Variants in FANCD2 observed in about 807,000 individuals in gnomAD.
FANCD2 encodes Fanconi anemia group D2 protein.
A neutral mutation model predicts 192.3 loss-of-function variants in FANCD2; 131 were observed. That is an observed-to-expected ratio of 0.68 (90% CI 0.59 to 0.79). The LOEUF is 0.79. Ranked by LOEUF, FANCD2 falls within the 30% of genes least tolerant of loss-of-function variation. FANCD2 has a pLI of 0.00. For missense variants in FANCD2, 1,508 were observed against 1,701.6 expected (o/e 0.89, Z 2.00); for synonymous variants, 524 against 612.5 (o/e 0.86, Z 2.13).
At chr3:10,052,717 G>A in intron 18 of FANCD2, among the ~76,000 whole-genome samples, 1 of 151,848 alleles carries the variant, frequency 6.6e-6, no homozygotes, top group Non-Finnish European at 1.5e-5. Flanking sequence ...AGTGGGCGAA[G>A]GACATGAACA....
At chr3:10,059,408 A>T (rs1559385835) in intron 18 of FANCD2, among the ~76,000 whole-genome samples, 1 of 152,218 alleles carries the variant, frequency 6.6e-6, no homozygotes, top group Admixed American at 6.5e-5. Flanking sequence ...TCATATCCTT[A>T]TAGAAATAAT....
intron 17 of FANCD2, 89 bp from the exon 18 acceptor site, chr3:10,052,298 G>A: frequency 1.2e-6 from 1 of 846,410 alleles, no homozygotes; most frequent in Non-Finnish European, 2.0e-6. Flanking sequence ...CTATCTATGT[G>A]TGTCTCTTTT....
chr3:10,079,689 T>G (rs1196428216), intron 30 of FANCD2, among the ~76,000 whole-genome samples: 1 of 152,154 alleles, frequency 6.6e-6, no homozygotes, highest in Non-Finnish European at 1.5e-5. Flanking sequence ...AATTTTGGTT[T>G]CAACAGCCTC....
intron 9 of FANCD2, chr3:10,040,802 G>T (rs1356575092): frequency 6.2e-6 from 2 of 321,406 alleles, no homozygotes; most frequent in African/African-American, 4.4e-5. Context: ...TCATCCTTTT[G>T]GGCAGGATGC....
In FANCD2 at chr3:10,063,755, A is replaced by G. The variant is rs62245514; in HGVS notation, c.1828-37A>G. On this transcript the variant is annotated intron_variant, in intron 20 of 43. Transcript: ENST00000675286. ...CGAGTGGAGTTTGGGAAAGATTGGC[A>G]GCCCAAGGTTTAAACCATTCTTCCT... is the stretch of plus-strand genomic sequence containing the variant. 3 of 1,608,720 alleles carry G rather than the reference A, an allele frequency of 1.9e-6. No homozygotes were observed. The African/African-American group carries it at 4.0e-5, about 22-fold the overall frequency.
chr3:10,089,117 C>T (rs1021248225), intron 36 of FANCD2, among the ~76,000 whole-genome samples, 167 bp downstream of exon 36: 1 of 151,856 alleles, frequency 6.6e-6, no homozygotes, highest in Admixed American at 6.6e-5. Flanking sequence ...AAACCCTGTC[C>T]CTACTAAAAA....
At chr3:10,081,668 C>T in intron 32 of FANCD2, 1 of 602,648 alleles carries the variant, frequency 1.7e-6, no homozygotes, top group East Asian at 2.9e-5. Context: ...TATGTTAACC[C>T]ATTTGACAGA....
chr3:10,070,798 G>A (rs1226248699), intron 26 of FANCD2, among the ~76,000 whole-genome samples: 1 of 148,126 alleles, frequency 6.8e-6, no homozygotes, highest in African/African-American at 2.5e-5. Context: ...AAATTCTTCT[G>A]CCTTGGGATC....
chr3:10,040,929 C>A, intron 9 of FANCD2: 1 of 174,318 alleles, frequency 5.7e-6, no homozygotes, highest in Non-Finnish European at 1.2e-5. Flanking sequence ...CGCAGTGGCT[C>A]ATGCCTTTAA....
chr3:10,052,584 T>A, intron 18 of FANCD2, 87 bp downstream of exon 18: 1 of 877,342 alleles, frequency 1.1e-6, no homozygotes, highest in Non-Finnish European at 1.9e-6. Flanking sequence ...GTTGGCACGA[T>A]CTCAGCTCAT....
At position 10,083,909 on chromosome 3, in the gene FANCD2, G is replaced by C. The variant is rs1041628492; in HGVS notation, c.3225-1903G>C. 7.5e-5 allele frequency among the ~76,000 whole-genome samples: 11 copies of C among 146,066 alleles called. No individual in the cohort carries two copies. In the Admixed American group the frequency reaches 7.6e-4, roughly 10 times the overall value. On this transcript the variant is annotated intron_variant, in intron 32 of 43. Transcript: ENST00000675286. ...TCTCAAAAAAAAAAAAAAAAAAAAG[G>C]TATGTCCACCAGGGTCTGGTACAGG...
intron 18 of FANCD2, 111 bp from the exon 19 acceptor site, chr3:10,060,179 AAAAC>A: frequency 1.4e-6 from 1 of 733,928 alleles, no homozygotes; most frequent in South Asian, 1.6e-5. Flanking sequence ...AAAAAAAAAA[AAAAC>A]AGTTAGTAAA....
chr3:10,085,613 A>G (rs182617509), intron 32 of FANCD2, among the ~76,000 whole-genome samples, 199 bp from the exon 33 acceptor site: 1 of 151,910 alleles, frequency 6.6e-6, no homozygotes, highest in Admixed American at 6.6e-5. Flanking sequence ...GATGGTCTCC[A>G]TGTGTTGACC....
intron 16 of FANCD2, among the ~76,000 whole-genome samples, chr3:10,048,360 G>T (rs574625568): frequency 6.6e-6 from 1 of 152,320 alleles, no homozygotes; most frequent in South Asian, 2.1e-4. Flanking sequence ...CTGGAGTGCA[G>T]TGGTGCTATC....
chr3:10,054,440 TATATAC>T (rs2087331961), intron 18 of FANCD2, among the ~76,000 whole-genome samples: 2 of 66,838 alleles, frequency 3.0e-5, no homozygotes, highest in African/African-American at 2.5e-4. Flanking sequence ...TATATACATG[TATATAC>T]ATATATATAT....
At chr3:10,085,722 G>T in intron 32 of FANCD2, 90 bp from the exon 33 acceptor site, 2 of 860,756 alleles carry the variant, frequency 2.3e-6, no homozygotes, top group South Asian at 1.3e-5. Flanking sequence ...TTAAACTATT[G>T]ATGGTACAGA....
chr3:10,097,296 T>G (rs931230541), intron 42 of FANCD2, among the ~76,000 whole-genome samples: 1 of 152,110 alleles, frequency 6.6e-6, no homozygotes, highest in African/African-American at 2.4e-5. Flanking sequence ...TGACCAAAAT[T>G]TATTAGGCGG....
rs144575146 is a variant in FANCD2, at chr3:10,050,253, TG to T, written c.1545+750del. 6.8e-4 allele frequency among the ~76,000 whole-genome samples: 103 copies of T among 152,288 alleles called. No homozygotes were observed. The East Asian group carries it at 0.019, about 28-fold the overall frequency. On this transcript the variant is annotated intron_variant, in intron 17 of 43. Transcript: ENST00000675286. ...GGGAGTGAGAGTAAGGGCCAGATTT[TG>T]GTCACGGGAATGTAGAAGAAATTAT...
chr3:10,032,355 A>G (rs1291115124), intron 2 of FANCD2: 2 of 387,264 alleles, frequency 5.2e-6, no homozygotes, highest in Non-Finnish European at 1.0e-5. Context: ...ATCATAGCTC[A>G]CTATAGCCTC....
Sources: allele counts gnomAD v4.1 joint callset (sites outside exome capture counted in the v4.1 genomes callset), GRCh38; gene constraint gnomAD v4.1.1; transcripts MANE v1.5; gene names NCBI Gene and HGNC (gene_info 2026-07-23, HGNC 2026-07-21).